The following BMP2K variants were observed in gnomAD, a reference collection of about 807,000 sequenced individuals.
The protein encoded by BMP2K is BMP2 inducible kinase, also known as BMP-2-inducible protein kinase.
A neutral mutation model predicts 116.0 loss-of-function variants in BMP2K; 74 were observed. The observed-to-expected ratio is 0.64, with a 90% CI of 0.53 to 0.77. The LOEUF (loss-of-function observed/expected upper bound fraction) is 0.77, where lower values mean the gene tolerates loss of function less well. Ranked by LOEUF, BMP2K falls within the 30% of genes least tolerant of loss-of-function variation. BMP2K has a pLI of 0.00. For missense variants in BMP2K, 1,365 were observed against 1,403.6 expected, an observed-to-expected ratio of 0.97 and a Z score of 0.44; for synonymous variants, 486 against 502.5, an observed-to-expected ratio of 0.97 and a Z score of 0.44.
chr4:78,866,349 C>CT (rs1410107113), intron 10 of BMP2K, among the ~76,000 whole-genome samples: 1 of 152,076 alleles, frequency 6.6e-6, no homozygotes, highest in Admixed American at 6.6e-5. Flanking sequence ...CTGTTTTGCA[C>CT]TTTATTTCAT....
intron 8 of BMP2K, among the ~76,000 whole-genome samples, chr4:78,860,448 T>A (rs550601646): frequency 5.1e-4 from 78 of 152,042 alleles, no homozygotes; most frequent in African/African-American, 1.8e-3. Context: ...CATTTCTTTT[T>A]CTGTAAAACA....
rs769290362 is a variant in BMP2K, at chr4:78,839,651, T to G, written c.404-2734T>G. 9.2e-5 allele frequency among the ~76,000 whole-genome samples: 14 copies of G among 152,148 alleles called. 1 individual carries two copies. Among genetic ancestry groups the G allele is most frequent in the Non-Finnish European group, 1.6e-4 (11 of 68,018 alleles). On this transcript the variant is annotated intron_variant, in intron 3 of 15. Coordinates refer to ENST00000502613, the MANE Select transcript of BMP2K (RefSeq NM_198892.2). ...AGGGGAGCTTTATATGTATATAAAGTATTACCTCATGAAATCACAAGGTCT... is the reference window on the plus strand; with the variant it reads ...AGGGGAGCTTTATATGTATATAAAGGATTACCTCATGAAATCACAAGGTCT...
At chr4:78,777,917 G>C (rs1727322695) in intron 1 of BMP2K, among the ~76,000 whole-genome samples, 1 of 152,210 alleles carries the variant, frequency 6.6e-6, no homozygotes, top group Non-Finnish European at 1.5e-5. Context: ...TCAGAATAAT[G>C]ATCTTAGCCG....
intron 1 of BMP2K, among the ~76,000 whole-genome samples, chr4:78,789,888 T>C (rs527500067): frequency 1.4e-4 from 21 of 152,356 alleles, no homozygotes; most frequent in South Asian, 4.1e-4. Context: ...TAAGTTCTTA[T>C]CCTCTGCTTT....
chr4:78,844,472 A>G (rs1335985455), intron 4 of BMP2K, among the ~76,000 whole-genome samples: 1 of 151,766 alleles, frequency 6.6e-6, no homozygotes, highest in Non-Finnish European at 1.5e-5. Flanking sequence ...TTCTGTTATT[A>G]TCTATAGAGA....
At chr4:78,876,375 TA>T (rs1215921919) in intron 13 of BMP2K, among the ~76,000 whole-genome samples, 2 of 152,210 alleles carry the variant, frequency 1.3e-5, no homozygotes, top group African/African-American at 4.8e-5. Context: ...GAATGGACTT[TA>T]AACTGAATTG....
chr4:78,850,008 GT>G (rs1219636359), intron 6 of BMP2K, among the ~76,000 whole-genome samples: 1 of 151,688 alleles, frequency 6.6e-6, no homozygotes, highest in African/African-American at 2.4e-5. Context: ...ATAAGGCCAA[GT>G]TTCGGTATTG....
At chr4:78,821,460 G>A (rs1388980602) in intron 1 of BMP2K, among the ~76,000 whole-genome samples, 2 of 152,164 alleles carry the variant, frequency 1.3e-5, no homozygotes, top group Non-Finnish European at 2.9e-5. Context: ...CAGTGGTCTT[G>A]AGTTGAGGTG....
intron 5 of BMP2K, among the ~76,000 whole-genome samples, chr4:78,845,669 A>G (rs1730965026): frequency 6.6e-6 from 1 of 151,628 alleles, no homozygotes; most frequent in African/African-American, 2.4e-5. Context: ...CTATTTGTAA[A>G]TTTTAGGTTA....
rs533843927 is a variant in BMP2K, at chr4:78,831,915, A to C, written c.298-1667A>C. 2.6e-5 allele frequency among the ~76,000 whole-genome samples: 4 copies of C among 151,466 alleles called. No homozygotes were observed. The East Asian group carries it at 7.8e-4, about 29-fold the overall frequency. Reference sequence around the variant, plus strand: ...TCTTCATCCTCTTTTCTCTTTCTCCATGGTTTTTTGAGTGCTTACACACAA... The same window carrying C: ...TCTTCATCCTCTTTTCTCTTTCTCCCTGGTTTTTTGAGTGCTTACACACAA... On this transcript the variant is annotated intron_variant, in intron 2 of 15. Coordinates refer to ENST00000502613, the MANE Select transcript of BMP2K (RefSeq NM_198892.2).
At chr4:78,891,506 A>G (rs1286466191) in intron 15 of BMP2K, among the ~76,000 whole-genome samples, 1 of 152,062 alleles carries the variant, frequency 6.6e-6, no homozygotes, top group Non-Finnish European at 1.5e-5. Context: ...TCCTCTTACT[A>G]GGATATTGTG....
Position 78,872,805 on chromosome 4 carries a change from AT to A in BMP2K, c.1793+12del. ...CCTCCTATAGTGCCAATAGGCAAGT[AT>A]TTTTCCAGTGAAAGCAAAGGAAATT... On this transcript the variant is annotated splice_region_variant and intron_variant, in intron 13 of 15. Coordinates refer to ENST00000502613, the MANE Select transcript of BMP2K (RefSeq NM_198892.2). The A allele has an allele frequency of 1.2e-6, 2 of 1,609,944 alleles. No homozygotes were observed. Among genetic ancestry groups the A allele is most frequent in the Non-Finnish European group, 8.5e-7 (1 of 1,177,456 alleles).
At chr4:78,836,826 GTGT>G (rs1170432834) in intron 3 of BMP2K, among the ~76,000 whole-genome samples, 1 of 152,098 alleles carries the variant, frequency 6.6e-6, no homozygotes, top group Non-Finnish European at 1.5e-5. Context: ...TTTTTTCTTA[GTGT>G]TGTTGACAAA....
intron 1 of BMP2K, among the ~76,000 whole-genome samples, chr4:78,805,288 A>G (rs914967066): frequency 4.6e-5 from 7 of 152,228 alleles, no homozygotes; most frequent in Non-Finnish European, 1.0e-4. Flanking sequence ...ACCTTCTACC[A>G]GTACCACACT....
chr4:78,817,930 G>C (rs1324416313), intron 1 of BMP2K, among the ~76,000 whole-genome samples: 1 of 152,106 alleles, frequency 6.6e-6, no homozygotes, highest in Admixed American at 6.6e-5. Flanking sequence ...ACAAAGAACA[G>C]ACATATATTT....
chr4:78,827,018 G>A (rs1193237851), intron 2 of BMP2K, among the ~76,000 whole-genome samples: 1 of 152,108 alleles, frequency 6.6e-6, no homozygotes, highest in Non-Finnish European at 1.5e-5. Flanking sequence ...AAGTCACACA[G>A]TTTTTTTGGC....
intron 1 of BMP2K, among the ~76,000 whole-genome samples, chr4:78,813,076 A>G (rs961026271): frequency 6.6e-6 from 1 of 152,128 alleles, no homozygotes. Context: ...GCAGAAACAC[A>G]TGAGACCCAT....
chr4:78,869,391 G>A, intron 10 of BMP2K, among the ~76,000 whole-genome samples: 1 of 152,026 alleles, frequency 6.6e-6, no homozygotes, highest in South Asian at 2.1e-4. Context: ...TGAGGGGTAG[G>A]GAGAGATTTA....
intron 10 of BMP2K, among the ~76,000 whole-genome samples, chr4:78,868,196 G>A (rs1040902796): frequency 1.3e-5 from 2 of 152,174 alleles, no homozygotes; most frequent in African/African-American, 4.8e-5. Flanking sequence ...ATTTCCACAC[G>A]GCTGGGGAGG....
Sources: allele counts gnomAD v4.1 joint callset (sites outside exome capture counted in the v4.1 genomes callset), GRCh38; gene constraint gnomAD v4.1.1; transcripts MANE v1.5; gene names NCBI Gene and HGNC (gene_info 2026-07-23, HGNC 2026-07-21).